The following PKP4 variants were observed in gnomAD, a reference collection of about 807,000 sequenced individuals.
PKP4 encodes the protein plakophilin 4, also known as plakophilin-4.
In PKP4, 90 loss-of-function variants were observed where a neutral mutation model predicts 145.1. The ratio of observed to expected loss-of-function variants is 0.62; its 90% CI spans 0.52 to 0.74. PKP4 has a LOEUF of 0.74. Among genes scored for constraint, PKP4 ranks in the 30% least tolerant of loss-of-function variants. PKP4 has a pLI of 0.00. For missense variants in PKP4, 1,340 were observed against 1,482.7 expected (o/e 0.90, Z 1.58); for synonymous variants, 563 against 577.2 (o/e 0.98, Z 0.35).
In PKP4 at chr2:158,631,904, C is replaced by G. The variant is rs773979657; in HGVS notation, c.1305C>G (p.Leu435=). The G allele has an allele frequency of 1.9e-6, 3 of 1,613,944 alleles. No homozygotes were observed. The African/African-American group carries it at 4.0e-5, about 22-fold the overall frequency. ...YRSPNHGTVE[L]QGSQTALYRT... ...GCCCAAACCATGGAACTGTGGAGCT[C>G]CAAGGATCGCAGACGGCGTTGTATC... The change falls in exon 8 of 22, where the codon CTC becomes CTG. Residue 435 remains leucine (L), a synonymous_variant. Transcript: ENST00000389759.
chr2:158,556,248 A>G (rs2046080079), intron 2 of PKP4, among the ~76,000 whole-genome samples: 1 of 152,224 alleles, frequency 6.6e-6, no homozygotes, highest in African/African-American at 2.4e-5. Flanking sequence ...TTTAGTTTTT[A>G]AAGTTCATTC....
intron 3 of PKP4, among the ~76,000 whole-genome samples, chr2:158,600,729 A>C (rs1285049913): frequency 2.0e-5 from 3 of 152,210 alleles, no homozygotes; most frequent in African/African-American, 7.2e-5. Flanking sequence ...GAATTATAGA[A>C]GTTTCTGTGA....
intron 3 of PKP4, among the ~76,000 whole-genome samples, chr2:158,596,493 C>T (rs1302716453): frequency 6.6e-6 from 1 of 151,956 alleles, no homozygotes; most frequent in African/African-American, 2.4e-5. Flanking sequence ...GATTAATATA[C>T]ACCTGATTCA....
At chr2:158,665,778 T>C (rs1427552046) in intron 15 of PKP4, 1 of 152,186 alleles carries the variant, frequency 6.6e-6, no homozygotes, top group East Asian at 1.9e-4. Context: ...TGACTATGGA[T>C]TTTTAAAAAA....
chr2:158,666,408 A>T lies in PKP4; in HGVS notation c.2578-5A>T. The T allele has an allele frequency of 6.3e-7, 1 of 1,577,740 alleles. No individual in the cohort carries two copies. On this transcript the variant is annotated splice_region_variant and splice_polypyrimidine_tract_variant and intron_variant, in intron 15 of 21. Transcript: ENST00000389759. ...TGTTACTTCCTGCCTTATTTTTCTC[A>T]CTAGTTTGCAGCATATATCCGGGCG...
intron 1 of PKP4, among the ~76,000 whole-genome samples, chr2:158,471,374 C>G (rs1471725221): frequency 1.3e-5 from 2 of 152,156 alleles, no homozygotes; most frequent in Non-Finnish European, 2.9e-5. Context: ...TGAATAGATT[C>G]CTGGATTAAA....
chr2:158,608,974 C>T (rs372204173), intron 4 of PKP4, among the ~76,000 whole-genome samples: 168 of 151,666 alleles, frequency 1.1e-3, no homozygotes, highest in Middle Eastern at 3.4e-3. Flanking sequence ...CCACCATGCC[C>T]AGCTAATTTT....
rs2058396151 is a variant in PKP4 at position 158,680,994 on chromosome 2, G to C, written c.*317G>C. 8.4e-6 allele frequency: 2 copies of C among 238,370 alleles called. No individual in the cohort carries two copies. Among genetic ancestry groups the C allele is most frequent in the Non-Finnish European group, 1.6e-5 (2 of 122,962 alleles). The allele number at this position is 238,370 out of a possible 1,614,324, so 14.8% of individuals were successfully genotyped here. A position where few individuals can be genotyped will look rare whatever the true frequency, so the allele number is the denominator to read the frequency against. ...GATATGTAGGTCAAATCAAATTAAAGATGATTTTTTTAATGTGAATAAAGT... is the reference window on the plus strand; with the variant it reads ...GATATGTAGGTCAAATCAAATTAAACATGATTTTTTTAATGTGAATAAAGT... On this transcript the variant is annotated 3_prime_UTR_variant, in exon 22 of 22. Transcript: ENST00000389759.
At chr2:158,667,101 C>G (rs978609439) in intron 16 of PKP4, among the ~76,000 whole-genome samples, 6 of 152,186 alleles carry the variant, frequency 3.9e-5, no homozygotes, top group African/African-American at 1.4e-4. Context: ...TTTTAGGAGG[C>G]CTTTACTCTC....
intron 2 of PKP4, among the ~76,000 whole-genome samples, chr2:158,568,377 T>A (rs1429117652): frequency 6.6e-6 from 1 of 152,072 alleles, no homozygotes; most frequent in Middle Eastern, 3.2e-3. Flanking sequence ...ACCCCACCCC[T>A]CTGACTTTAA....
intron 5 of PKP4, 29 bp downstream of exon 5, chr2:158,621,150 A>T (rs1215994099): frequency 1.2e-6 from 2 of 1,613,770 alleles, no homozygotes; most frequent in Middle Eastern, 1.6e-4. Flanking sequence ...TAAGTACTGG[A>T]TTTGCTTTTA....
chr2:158,484,032 C>CTTTTTTTTTTTTT (rs11289096), intron 1 of PKP4, among the ~76,000 whole-genome samples: 1 of 95,950 alleles, frequency 1.0e-5, no homozygotes, highest in African/African-American at 3.7e-5. Flanking sequence ...TTTTCTTTTT[C>CTTTTTTTTTTTTT]TTTTTTTTTT....
In PKP4 at chr2:158,679,716, G is replaced by A. The variant is rs145479190; in HGVS notation, c.3331-713G>A. On this transcript the variant is annotated intron_variant, in intron 21 of 21. Coordinates refer to ENST00000389759, the MANE Select transcript of PKP4 (RefSeq NM_003628.6). ...CAGTGTGCCCTGTGTGGGTGCCCAC[G>A]TGTGCCTGGTCTTGCCCACTTACAG... is the stretch of plus-strand genomic sequence containing the variant. 3.5e-3 allele frequency among the ~76,000 whole-genome samples: 537 copies of A among 152,350 alleles called. 2 individuals carry two copies. Among genetic ancestry groups the A allele is most frequent in the African/African-American group, 0.012 (508 of 41,578 alleles).
chr2:158,570,171 T>C (rs2047306032), intron 2 of PKP4, among the ~76,000 whole-genome samples: 1 of 152,226 alleles, frequency 6.6e-6, no homozygotes, highest in African/African-American at 2.4e-5. Context: ...TTGCTGGTTA[T>C]CTTAAGGATG....
At chr2:158,468,770 C>CTTTTTTTTTTTTTTTTTTTTTT (rs58577988) in intron 1 of PKP4, among the ~76,000 whole-genome samples, 2 of 109,968 alleles carry the variant, frequency 1.8e-5, no homozygotes, top group Non-Finnish European at 3.5e-5. Context: ...TCTTCTTCTT[C>CTTTTTTTTTTTTTTTTTTTTTT]TTTTTTTTTT....
chr2:158,596,063 T>A (rs529141106), intron 3 of PKP4, among the ~76,000 whole-genome samples: 126 of 151,764 alleles, frequency 8.3e-4, no homozygotes, highest in African/African-American at 2.8e-3. Context: ...GACCTTGGAA[T>A]TGACTAAAAA....
At chr2:158,493,345 T>A (rs1035934906) in intron 1 of PKP4, among the ~76,000 whole-genome samples, 1 of 152,246 alleles carries the variant, frequency 6.6e-6, no homozygotes, top group Middle Eastern at 3.2e-3. Context: ...TCATCGTTTT[T>A]TAAATCCAAG....
At chr2:158,644,928 C>T (rs1405406181) in intron 11 of PKP4, among the ~76,000 whole-genome samples, 1 of 151,870 alleles carries the variant, frequency 6.6e-6, no homozygotes, top group East Asian at 1.9e-4. Flanking sequence ...AATTTTAAAA[C>T]AACATTTCTT....
chr2:158,466,173 A>C (rs1305571856), intron 1 of PKP4, among the ~76,000 whole-genome samples: 1 of 152,142 alleles, frequency 6.6e-6, no homozygotes, highest in Non-Finnish European at 1.5e-5. Flanking sequence ...TACATACCTT[A>C]AGTGAATGAA....
Sources: allele counts gnomAD v4.1 joint callset (sites outside exome capture counted in the v4.1 genomes callset), GRCh38; gene constraint gnomAD v4.1.1; transcripts MANE v1.5; gene names NCBI Gene and HGNC (gene_info 2026-07-23, HGNC 2026-07-21).